The following DGKB variants were observed in gnomAD, a reference collection of about 807,000 sequenced individuals.
DGKB encodes the protein 90 kDa diacylglycerol kinase.
Under a neutral mutation model 114.3 loss-of-function variants are expected in DGKB, and 67 were observed. The ratio of observed to expected loss-of-function variants is 0.59; its 90% CI spans 0.48 to 0.72. The LOEUF is 0.72. Ranked by LOEUF, DGKB falls within the 30% of genes least tolerant of loss-of-function variation. The pLI is 0.00. For missense variants in DGKB, 907 were observed against 975.2 expected, an observed-to-expected ratio of 0.93 and a Z score of 0.93; for synonymous variants, 398 against 323.1, an observed-to-expected ratio of 1.23 and a Z score of -2.49.
At chr7:14,199,394 T>C (rs1365958358) in intron 23 of DGKB, among the ~76,000 whole-genome samples, 1 of 151,908 alleles carries the variant, frequency 6.6e-6, no homozygotes, top group Non-Finnish European at 1.5e-5. Context: ...TAAGAAAGCA[T>C]TTGGATCAGA....
chr7:14,188,212 TTATGGGACACCATCAAGTGAA>T (rs1783734350), intron 23 of DGKB, among the ~76,000 whole-genome samples: 1 of 152,130 alleles, frequency 6.6e-6, no homozygotes, highest in East Asian at 1.9e-4. Context: ...CCTACAGGAC[TTATGGGACACCATCAAGTGAA>T]TAAATTTTCT....
chr7:14,338,530 T>C lies in DGKB; in HGVS notation c.2107A>G (p.Lys703Glu), dbSNP rs186133720. Residue 703 changes from lysine (K) to glutamate (E), a missense_variant, in exon 23 of 26, where the codon AAG becomes GAG. By Grantham distance (56) the Lys-to-Glu change is moderately conservative. Around this residue, in one of 3 missense-constraint regions of DGKB, gnomAD observed 814 missense variants for 856.6 expected, o/e 0.95. Transcript: ENST00000402815. ...RTTVTDAKEL[K>E]FASQDLSDQL... ...GAAAACTGACCTTGACTTGCAAACT[T>C]CAACTCTTTGGCATCTGTGACGGTG... 9.1e-4 allele frequency: 1,431 copies of C among 1,574,132 alleles called. 2 individuals carry two copies. Among genetic ancestry groups the C allele is most frequent in the Non-Finnish European group, 1.1e-3 (1,256 of 1,162,722 alleles).
chr7:14,619,782 A>G (rs1292149609), intron 15 of DGKB, among the ~76,000 whole-genome samples: 1 of 151,728 alleles, frequency 6.6e-6, no homozygotes, highest in Non-Finnish European at 1.5e-5. Flanking sequence ...GAAAATGATG[A>G]TAATAATGGT....
At chr7:14,832,562 T>C (rs1846572182) in intron 2 of DGKB, among the ~76,000 whole-genome samples, 2 of 152,122 alleles carry the variant, frequency 1.3e-5, no homozygotes, top group Admixed American at 6.6e-5. Context: ...GCATTCTAAA[T>C]GATAAAGACT....
At chr7:14,856,079 A>G (rs1850109788) in intron 1 of DGKB, among the ~76,000 whole-genome samples, 1 of 151,958 alleles carries the variant, frequency 6.6e-6, no homozygotes, top group Non-Finnish European at 1.5e-5. Context: ...ACATATGCCT[A>G]TCAAGTTTAA....
At chr7:14,405,027 A>G (rs1823722336) in intron 21 of DGKB, among the ~76,000 whole-genome samples, 1 of 151,796 alleles carries the variant, frequency 6.6e-6, no homozygotes, top group Non-Finnish European at 1.5e-5. Context: ...TATATCTAAA[A>G]TTTCAAACTC....
intron 19 of DGKB, among the ~76,000 whole-genome samples, chr7:14,577,989 T>C (rs1311147723): frequency 1.3e-5 from 2 of 152,114 alleles, no homozygotes; most frequent in Non-Finnish European, 1.5e-5. Context: ...TCAAATCTCA[T>C]TTTTAGTTGT....
chr7:14,692,783 T>A (rs1823106830), intron 9 of DGKB, among the ~76,000 whole-genome samples: 1 of 151,890 alleles, frequency 6.6e-6, no homozygotes, highest in South Asian at 2.1e-4. Context: ...TCTGACCATG[T>A]CTTGGATCCC....
rs564037269 is a variant in DGKB at position 14,669,163 on chromosome 7, T to C, written c.1134+3766A>G. ...TCTTTGAGAAAACAGAAGTATTATA[T>C]CTTTTTGCCATTGTTGCCCCTCAAC... is the stretch of plus-strand genomic sequence containing the variant. On this transcript the variant is annotated intron_variant, in intron 13 of 25. Coordinates refer to ENST00000402815, the MANE Select transcript of DGKB (RefSeq NM_001350709.2). Among the ~76,000 whole-genome samples the C allele has an allele frequency of 2.0e-5, 3 of 152,302 alleles. No homozygotes were observed. The South Asian group carries it at 6.2e-4, about 32-fold the overall frequency.
intron 5 of DGKB, among the ~76,000 whole-genome samples, chr7:14,722,900 A>C (rs1585983459): frequency 1.3e-5 from 2 of 151,886 alleles, no homozygotes; most frequent in African/African-American, 2.4e-5. Flanking sequence ...ACTTTTTTTA[A>C]ATGTTTCTTT....
At chr7:14,196,892 A>C (rs2128282521) in intron 23 of DGKB, among the ~76,000 whole-genome samples, 1 of 152,278 alleles carries the variant, frequency 6.6e-6, no homozygotes, top group African/African-American at 2.4e-5. Flanking sequence ...TGTTTTAAAA[A>C]GCGTGTTATT....
At chr7:14,553,515 A>T (rs1032977557) in intron 20 of DGKB, among the ~76,000 whole-genome samples, 1 of 152,224 alleles carries the variant, frequency 6.6e-6, no homozygotes, top group Admixed American at 6.5e-5. Flanking sequence ...CAGCAGCTAT[A>T]GTTATATCTA....
chr7:14,678,378 C>T (rs1438910790), intron 12 of DGKB, among the ~76,000 whole-genome samples: 1 of 152,022 alleles, frequency 6.6e-6, no homozygotes, highest in Non-Finnish European at 1.5e-5. Context: ...AGAAAAATTT[C>T]AAGGAAGACA....
At chr7:14,231,127 C>CTTTCTT (rs1554297194) in intron 23 of DGKB, among the ~76,000 whole-genome samples, 5,732 of 125,152 alleles carry the variant, frequency 0.046, 167 homozygotes, top group Middle Eastern at 0.081. Context: ...TTCTTTCTTT[C>CTTTCTT]TTTCTTTCTT....
intron 25 of DGKB, among the ~76,000 whole-genome samples, chr7:14,157,703 T>A (rs957473239): frequency 6.6e-6 from 1 of 152,168 alleles, no homozygotes; most frequent in Non-Finnish European, 1.5e-5. Flanking sequence ...CTAAGTTAGT[T>A]GTCAGGGAAG....
At chr7:14,696,193 G>C (rs1473656490) in intron 8 of DGKB, among the ~76,000 whole-genome samples, 1 of 151,954 alleles carries the variant, frequency 6.6e-6, no homozygotes, top group African/African-American at 2.4e-5. Context: ...AGTGCCCGCT[G>C]TTTAGAAACC....
intron 21 of DGKB, among the ~76,000 whole-genome samples, chr7:14,439,433 A>T (rs1829746275): frequency 6.6e-6 from 1 of 152,154 alleles, no homozygotes. Context: ...GAAATGCCAC[A>T]AATAACAAGT....
intron 1 of DGKB, among the ~76,000 whole-genome samples, chr7:14,846,033 C>T (rs1848582203): frequency 6.6e-6 from 1 of 152,114 alleles, no homozygotes; most frequent in African/African-American, 2.4e-5. Context: ...TTTTATTTAT[C>T]AATATCTAAC....
At chr7:14,890,369 T>C (rs547749203) in intron 1 of DGKB, among the ~76,000 whole-genome samples, 1 of 151,646 alleles carries the variant, frequency 6.6e-6, no homozygotes, top group South Asian at 2.1e-4. Flanking sequence ...TATACTACTA[T>C]GGATAAATCC....
Sources: gnomAD v4.1 joint callset for allele counts (sites outside exome capture counted in the v4.1 genomes callset) on GRCh38, gnomAD v4.1.1 for gene constraint, gnomAD v4.1.1 regional missense constraint, MANE v1.5 for transcripts, NCBI Gene and HGNC (gene_info 2026-07-23, HGNC 2026-07-21) for gene names.